SHB: variants seen among roughly 807,000 people sequenced by gnomAD.
The protein encoded by SHB is SH2 domain containing adaptor protein B.
A neutral mutation model predicts 52.3 loss-of-function variants in SHB; 20 were observed. The observed-to-expected ratio is 0.38, with a 90% confidence interval of 0.27 to 0.56. The LOEUF is 0.56. Among genes scored for constraint, SHB ranks in the 20% least tolerant of loss-of-function variants. The pLI is 0.71. For synonymous variants in SHB, 397 were observed against 316.5 expected, an observed-to-expected ratio of 1.25 and a Z score of -2.70; for missense variants, 825 against 723.3, an observed-to-expected ratio of 1.14 and a Z score of -1.61.
chr9:37,918,427 G>GTCCCTGGGAGGTCAGGATTCTCCCTCC lies in SHB; in HGVS notation c.*1393_*1394insGGAGGGAGAATCCTGACCTCCCAGGGA, dbSNP rs1832130620. 1.8e-5 allele frequency among the ~76,000 whole-genome samples: 2 copies of GTCCCTGGGAGGTCAGGATTCTCCCTCC among 114,062 alleles called. No homozygotes were observed. Among genetic ancestry groups the GTCCCTGGGAGGTCAGGATTCTCCCTCC allele is most frequent in the Non-Finnish European group, 2.0e-5 (1 of 51,166 alleles). The allele number at this position is 114,062 out of a possible 152,430, so 74.8% of individuals were successfully genotyped here. On this transcript the variant is annotated 3_prime_UTR_variant, in exon 6 of 6. Transcript: ENST00000377707. ...CAGTGTGGACCACTGAGGGCTGTGT[G>GTCCCTGGGAGGTCAGGATTCTCCCTCC]TGTGTGTGTGTGTGTGTGTAGGTGT...
chr9:38,027,813 G>A (rs1012256322), intron 1 of SHB, among the ~76,000 whole-genome samples: 3 of 152,010 alleles, frequency 2.0e-5, no homozygotes, highest in African/African-American at 2.4e-5. Flanking sequence ...AGATGTGGAT[G>A]AGCCAGTTGG....
At chr9:38,012,986 G>C (rs1821159678) in intron 2 of SHB, among the ~76,000 whole-genome samples, 1 of 151,602 alleles carries the variant, frequency 6.6e-6, no homozygotes, top group Non-Finnish European at 1.5e-5. Context: ...GAGCATCTAC[G>C]CACTGATGGC....
In SHB at chr9:38,015,971, C is replaced by G. The variant is rs771149178; in HGVS notation, c.838+40G>C. 2.5e-6 allele frequency: 4 copies of G among 1,607,278 alleles called. No individual in the cohort carries two copies. In the South Asian group the frequency reaches 4.5e-5, roughly 18 times the overall value. ...TGCCCTCACTCCCTTTCTACCCCTA[C>G]AACCCCAGCTGTGAGCCCCTGCGCT... On this transcript the variant is annotated intron_variant, in intron 2 of 5. Coordinates refer to ENST00000377707, the MANE Select transcript of SHB (RefSeq NM_003028.3).
intron 2 of SHB, among the ~76,000 whole-genome samples, chr9:38,011,722 T>A (rs1425523091): frequency 1.3e-5 from 2 of 152,172 alleles, no homozygotes; most frequent in African/African-American, 4.8e-5. Flanking sequence ...AGTTCACTGG[T>A]TTACAAGACA....
At chr9:38,016,554 C>T (rs1352694987) in intron 1 of SHB, among the ~76,000 whole-genome samples, 1 of 152,242 alleles carries the variant, frequency 6.6e-6, no homozygotes, top group Non-Finnish European at 1.5e-5. Context: ...GCTCCTGGTG[C>T]TGGCTGAGGC....
At chr9:37,948,103 G>C (rs998993550) in intron 5 of SHB, among the ~76,000 whole-genome samples, 1 of 152,124 alleles carries the variant, frequency 6.6e-6, no homozygotes, top group Non-Finnish European at 1.5e-5. Context: ...CCTCTTCCCA[G>C]TGCTCCTCCT....
At chr9:37,969,373 A>G (rs928903706) in intron 3 of SHB, among the ~76,000 whole-genome samples, 3 of 152,172 alleles carry the variant, frequency 2.0e-5, no homozygotes, top group Admixed American at 1.3e-4. Flanking sequence ...AAAAGGAGGA[A>G]ACTAACCTCC....
intron 5 of SHB, among the ~76,000 whole-genome samples, chr9:37,929,321 C>T (rs946328881): frequency 8.5e-5 from 13 of 152,226 alleles, no homozygotes; most frequent in Non-Finnish European, 1.5e-4. Flanking sequence ...GCAGGCCCCT[C>T]GGATAAGCAT....
At chr9:37,961,256 T>C (rs1458923991) in intron 3 of SHB, among the ~76,000 whole-genome samples, 2 of 152,148 alleles carry the variant, frequency 1.3e-5, no homozygotes, top group Admixed American at 1.3e-4. Flanking sequence ...CGCCTGGGAT[T>C]TATTTTTCTT....
intron 5 of SHB, among the ~76,000 whole-genome samples, chr9:37,932,273 C>CAAAAAAA (rs56281324): frequency 1.8e-5 from 1 of 56,732 alleles, no homozygotes; most frequent in Non-Finnish European, 3.3e-5. Context: ...AACTCCATCT[C>CAAAAAAA]AAAAAAAAAA....
At chr9:38,020,237 A>AG (rs1448746937) in intron 1 of SHB, among the ~76,000 whole-genome samples, 1 of 152,240 alleles carries the variant, frequency 6.6e-6, no homozygotes, top group African/African-American at 2.4e-5. Context: ...CCTCTTCCAC[A>AG]GGCTATTTTT....
chr9:38,067,973 C>T lies in SHB; in HGVS notation c.673G>A (p.Ala225Thr), dbSNP rs373006818. The change falls in exon 1 of 6, where the codon GCC (alanine) becomes ACC (threonine). Residue 225 changes from alanine (A) to threonine (T), a missense_variant. By Grantham distance (58) the Ala-to-Thr change is moderately conservative. Transcript: ENST00000377707. ...CCGCTCTCCTCCGCGGCTGAGGCGG[C>T]GCACTTGTTGAGCAGTTTCTTGCCT... ...CGGKKLLNKC[A>T]ASAAEESGAG... The T allele has an allele frequency of 1.3e-6, 2 of 1,552,500 alleles. No individual in the cohort carries two copies. The highest frequency in any genetic ancestry group is 2.4e-5 in the South Asian group (2 of 85,038).
At chr9:37,998,763 A>T (rs1274207943) in intron 2 of SHB, among the ~76,000 whole-genome samples, 1 of 152,192 alleles carries the variant, frequency 6.6e-6, no homozygotes, top group East Asian at 1.9e-4. Flanking sequence ...TCGAAATCCT[A>T]TTTTGAATGC....
At chr9:37,963,456 T>C (rs987040520) in intron 3 of SHB, among the ~76,000 whole-genome samples, 4 of 152,316 alleles carry the variant, frequency 2.6e-5, no homozygotes, top group Middle Eastern at 3.4e-3. Context: ...TGGGCCACAT[T>C]TGTAAACCAT....
chr9:37,953,439 T>C (rs566541213), intron 4 of SHB, among the ~76,000 whole-genome samples: 6 of 151,872 alleles, frequency 4.0e-5, no homozygotes, highest in African/African-American at 1.2e-4. Flanking sequence ...TTTTTACTTA[T>C]GTTGGCAAAG....
intron 5 of SHB, among the ~76,000 whole-genome samples, chr9:37,928,220 G>A (rs1037551821): frequency 1.3e-5 from 2 of 152,216 alleles, no homozygotes; most frequent in East Asian, 1.9e-4. Context: ...CACAGCAGGA[G>A]GAACAAGGCA....
chr9:38,068,728 C>G lies in SHB; in HGVS notation c.-83G>C. ...GGGGGGCAGCGCTGCGGCGCAGGTC[C>G]CTCGGCGCCCCGGCCCCGGCGGGGG... On this transcript the variant is annotated 5_prime_UTR_variant, in exon 1 of 6. Coordinates refer to ENST00000377707, the MANE Select transcript of SHB (RefSeq NM_003028.3). 1 of 969,530 alleles carries G rather than the reference C, an allele frequency of 1.0e-6. No individual in the cohort carries two copies. Among genetic ancestry groups the G allele is most frequent in the Non-Finnish European group, 1.3e-6 (1 of 782,010 alleles). 60.1% of individuals were successfully genotyped at this position (969,530 alleles called of 1,614,324 possible).
Position 37,917,187 on chromosome 9 carries a change from G to A in SHB, c.*2634C>T, listed in dbSNP as rs553358654. 2.2e-4 allele frequency among the ~76,000 whole-genome samples: 34 copies of A among 152,322 alleles called. No homozygotes were observed. In the South Asian group the frequency reaches 7.0e-3, roughly 32 times the overall value. On this transcript the variant is annotated 3_prime_UTR_variant, in exon 6 of 6. Coordinates refer to ENST00000377707, the MANE Select transcript of SHB (RefSeq NM_003028.3). The stretch of plus-strand genomic sequence containing the variant: ...ACACAGGAAACGGTCACAATTAGAG[G>A]AAGAAGAGGGAGAGGTTCATAAAAT...
chr9:37,977,035 AT>A (rs1186960789), intron 2 of SHB, among the ~76,000 whole-genome samples: 1 of 152,192 alleles, frequency 6.6e-6, no homozygotes, highest in Non-Finnish European at 1.5e-5. Context: ...CCCAAGCTTT[AT>A]TTAGTCATGT....
Sources: gnomAD v4.1 joint callset for allele counts (sites outside exome capture counted in the v4.1 genomes callset) on GRCh38, gnomAD v4.1.1 for gene constraint, MANE v1.5 for transcripts, NCBI Gene and HGNC (gene_info 2026-07-23, HGNC 2026-07-21) for gene names.